The following RPS6KC1 variants were observed in gnomAD, a reference collection of about 807,000 sequenced individuals.
RPS6KC1 encodes ribosomal protein S6 kinase C1.
RPS6KC1 carries 54 observed loss-of-function variants against 103.8 expected under a neutral mutation model. That is an observed-to-expected ratio of 0.52 (90% CI 0.42 to 0.65). The LOEUF (loss-of-function observed/expected upper bound fraction) is 0.65, where lower values mean the gene tolerates loss of function less well. RPS6KC1 is among the 30% of genes least tolerant of loss of function. RPS6KC1 has a pLI of 0.00. For synonymous variants in RPS6KC1, 439 were observed against 438.7 expected, an observed-to-expected ratio of 1.00 and a Z score of -0.01; for missense variants, 1,151 against 1,253.8, an observed-to-expected ratio of 0.92 and a Z score of 1.24.
intron 8 of RPS6KC1, among the ~76,000 whole-genome samples, chr1:213,221,492 C>T (rs181390734): frequency 6.6e-6 from 1 of 152,250 alleles, no homozygotes; most frequent in East Asian, 1.9e-4. Flanking sequence ...AGATGGTAAA[C>T]CTTCAGGCTG....
the RPS6KC1 span, among the ~76,000 whole-genome samples, chr1:213,377,065 G>A: frequency 6.6e-6 from 1 of 152,222 alleles, no homozygotes; most frequent in Non-Finnish European, 1.5e-5. Context: ...AGTCTGGGAA[G>A]GCCCGTCTTG....
the RPS6KC1 span, among the ~76,000 whole-genome samples, chr1:213,505,784 T>C: frequency 6.6e-6 from 1 of 152,200 alleles, no homozygotes; most frequent in Non-Finnish European, 1.5e-5. Context: ...TTGGTTTCTC[T>C]ACCTCATATT....
the RPS6KC1 span, among the ~76,000 whole-genome samples, chr1:213,561,930 G>A: frequency 6.6e-6 from 1 of 152,132 alleles, no homozygotes; most frequent in Non-Finnish European, 1.5e-5. Flanking sequence ...CAGTTGTTGG[G>A]GGCACAAGCC....
the RPS6KC1 span, among the ~76,000 whole-genome samples, chr1:213,339,063 A>G: frequency 6.6e-6 from 1 of 152,168 alleles, no homozygotes; most frequent in South Asian, 2.1e-4. Flanking sequence ...CAGGAGTTCG[A>G]GACCAGCCTG....
At chr1:213,170,230 A>G (rs1207398606) in intron 7 of RPS6KC1, among the ~76,000 whole-genome samples, 3 of 152,194 alleles carry the variant, frequency 2.0e-5, no homozygotes, top group African/African-American at 2.4e-5. Flanking sequence ...CTATGAAGCA[A>G]TAATTTCTTA....
At chr1:213,687,780 C>T in the RPS6KC1 span, among the ~76,000 whole-genome samples, 1 of 152,178 alleles carries the variant, frequency 6.6e-6, no homozygotes, top group African/African-American at 2.4e-5. Context: ...ATCATGGGGA[C>T]TGATAAACTT....
chr1:213,099,599 C>A (rs1279848749), intron 3 of RPS6KC1, among the ~76,000 whole-genome samples: 2 of 152,108 alleles, frequency 1.3e-5, no homozygotes, highest in African/African-American at 4.8e-5. Flanking sequence ...TAACCCAAAC[C>A]CCTATCAAGA....
the RPS6KC1 span, among the ~76,000 whole-genome samples, chr1:213,789,764 A>AG: frequency 6.6e-6 from 1 of 152,222 alleles, no homozygotes. Context: ...AAGAAAAATG[A>AG]GAAAAAGATT....
the RPS6KC1 span, among the ~76,000 whole-genome samples, chr1:213,301,280 T>G: frequency 6.6e-6 from 1 of 152,220 alleles, no homozygotes; most frequent in Non-Finnish European, 1.5e-5. Context: ...AGAAGGAATG[T>G]CAAGGCCTTT....
the RPS6KC1 span, among the ~76,000 whole-genome samples, chr1:213,855,356 C>T: frequency 6.6e-6 from 1 of 152,202 alleles, no homozygotes; most frequent in Non-Finnish European, 1.5e-5. Context: ...GCTGACAACA[C>T]TTCTCTTGTA....
At chr1:213,156,649 G>T (rs1318327958) in intron 6 of RPS6KC1, among the ~76,000 whole-genome samples, 1 of 152,172 alleles carries the variant, frequency 6.6e-6, no homozygotes, top group Non-Finnish European at 1.5e-5. Context: ...CAGATTTCGT[G>T]TTGAAAACAA....
rs1167024559 is a variant in RPS6KC1, at chr1:213,241,470, A to G, written c.1994A>G (p.Asp665Gly). ...CAGGACACCATTAGCAGGGGCTCAG[A>G]TGACTCAGTGCCAGTTATTTCATTT... ...KAQDTISRGS[D>G]DSVPVISFKD... Residue 665 changes from aspartate (D) to glycine (G), a missense_variant, in exon 11 of 15, where the codon GAT becomes GGT. This residue lies in a region of RPS6KC1 where 959 missense variants were observed against 1,006.3 expected (regional missense o/e 0.95). Transcript: ENST00000366960. 2 of 1,613,914 alleles carry G rather than the reference A, an allele frequency of 1.2e-6. No individual in the cohort carries two copies. Among genetic ancestry groups the G allele is most frequent in the Non-Finnish European group, 1.7e-6 (2 of 1,179,964 alleles).
chr1:213,514,004 C>G, the RPS6KC1 span, among the ~76,000 whole-genome samples: 2 of 152,180 alleles, frequency 1.3e-5, no homozygotes, highest in African/African-American at 4.8e-5. Context: ...TTAATTAGTC[C>G]TTTGCTGTTT....
At chr1:213,234,669 G>A (rs2094184019) in intron 10 of RPS6KC1, among the ~76,000 whole-genome samples, 1 of 152,190 alleles carries the variant, frequency 6.6e-6, no homozygotes, top group African/African-American at 2.4e-5. Context: ...GTAGGCAGGA[G>A]CCTTGTACAG....
At chr1:213,561,134 A>G in the RPS6KC1 span, among the ~76,000 whole-genome samples, 1 of 152,330 alleles carries the variant, frequency 6.6e-6, no homozygotes, top group Non-Finnish European at 1.5e-5. Context: ...AGTCTCAAAT[A>G]TACGTCTACT....
At chr1:213,699,538 C>A in the RPS6KC1 span, among the ~76,000 whole-genome samples, 1 of 152,098 alleles carries the variant, frequency 6.6e-6, no homozygotes, top group Non-Finnish European at 1.5e-5. Context: ...GGTATCTATC[C>A]AATATACTGA....
At chr1:213,104,045 C>G (rs1047010203) in intron 3 of RPS6KC1, among the ~76,000 whole-genome samples, 1 of 151,996 alleles carries the variant, frequency 6.6e-6, no homozygotes, top group Non-Finnish European at 1.5e-5. Flanking sequence ...CTCTTCAGCC[C>G]CTTTATAAAT....
At chr1:213,205,745 T>A (rs1355463558) in intron 8 of RPS6KC1, among the ~76,000 whole-genome samples, 1 of 151,630 alleles carries the variant, frequency 6.6e-6, no homozygotes, top group Non-Finnish European at 1.5e-5. Context: ...GCTTTGATAT[T>A]TTATTCTGTA....
the RPS6KC1 span, among the ~76,000 whole-genome samples, chr1:213,729,995 G>A: frequency 6.6e-6 from 1 of 151,964 alleles, no homozygotes; most frequent in African/African-American, 2.4e-5. Context: ...TCATCATTTA[G>A]CCCCCACTTA....
Sources: gnomAD v4.1 joint callset for allele counts (sites outside exome capture counted in the v4.1 genomes callset) on GRCh38, gnomAD v4.1.1 for gene constraint, gnomAD v4.1.1 regional missense constraint, MANE v1.5 for transcripts, NCBI Gene and HGNC (gene_info 2026-07-23, HGNC 2026-07-21) for gene names.